Variants in SMIM13 observed in about 807,000 individuals in gnomAD.
The protein encoded by SMIM13 is UPF0766 protein C6orf228.
SMIM13 carries 3 observed loss-of-function variants against 5.9 expected under a neutral mutation model. The ratio of observed to expected loss-of-function variants is 0.51; its 90% confidence interval spans 0.23 to 1.31. SMIM13 has a LOEUF of 1.31. Ranked by LOEUF, SMIM13 falls within the 40% of genes most tolerant of loss-of-function variation. The pLI is 0.18. For synonymous variants in SMIM13, 55 were observed against 46.0 expected (o/e 1.19, Z -0.79); for missense variants, 85 against 109.9 (o/e 0.77, Z 1.01).
rs1757885899 is a variant in SMIM13 at position 11,093,942 on chromosome 6, G to T, written c.-372G>T. On this transcript the variant is annotated 5_prime_UTR_variant, in exon 1 of 2. Transcript: ENST00000416247. Reference sequence around the variant, plus strand: ...GGCCTTGTGGCCGCCGTGTGTACCCGTGCTTACCCTCTGTCCTCCCTACAG... The same window carrying T: ...GGCCTTGTGGCCGCCGTGTGTACCCTTGCTTACCCTCTGTCCTCCCTACAG... 6.6e-6 allele frequency: 1 copy of T among 152,266 alleles called. No individual in the cohort carries two copies. The highest frequency in any genetic ancestry group is 6.5e-5 in the Admixed American group (1 of 15,284). 9.4% of individuals were successfully genotyped at this position (152,266 alleles called of 1,614,324 possible).
chr6:11,124,940 A>G (rs1345761256), intron 1 of SMIM13, among the ~76,000 whole-genome samples: 1 of 152,128 alleles, frequency 6.6e-6, no homozygotes, highest in Non-Finnish European at 1.5e-5. Context: ...TTTTTGCTCG[A>G]TAAACTGTTC....
At chr6:11,116,104 G>A (rs959086845) in intron 1 of SMIM13, among the ~76,000 whole-genome samples, 1 of 128,790 alleles carries the variant, frequency 7.8e-6, no homozygotes, top group Non-Finnish European at 1.6e-5. Flanking sequence ...TGCAACCTCC[G>A]CCTCCCAGGT....
In SMIM13 at chr6:11,137,431, C is replaced by T. The variant is rs1017010656; in HGVS notation, c.*2829C>T. 2 of 151,872 alleles carry T rather than the reference C, an allele frequency of 1.3e-5. No homozygotes were observed. The highest frequency in any genetic ancestry group is 2.4e-5 in the African/African-American group (1 of 41,334). The allele number at this position is 151,872 out of a possible 1,614,324, so 9.4% of individuals were successfully genotyped here. On this transcript the variant is annotated 3_prime_UTR_variant, in exon 2 of 2. Transcript: ENST00000416247. The stretch of plus-strand genomic sequence containing the variant: ...TTAGTGCTTTTGTAGCTAAAACTTA[C>T]TGGAACTGCATCACAACTACATTTG...
chr6:11,129,904 TA>T (rs1758429371), intron 1 of SMIM13, among the ~76,000 whole-genome samples: 1 of 152,214 alleles, frequency 6.6e-6, no homozygotes, highest in African/African-American at 2.4e-5. Flanking sequence ...GGGGCTTTAA[TA>T]ATGGTTTTTT....
intron 1 of SMIM13, among the ~76,000 whole-genome samples, chr6:11,095,984 G>A (rs1198741067): frequency 1.3e-5 from 2 of 152,186 alleles, no homozygotes; most frequent in East Asian, 3.8e-4. Context: ...TAGGATATTT[G>A]CCAAATTTAC....
At chr6:11,125,935 C>A (rs535489508) in intron 1 of SMIM13, among the ~76,000 whole-genome samples, 1 of 152,340 alleles carries the variant, frequency 6.6e-6, no homozygotes, top group East Asian at 1.9e-4. Flanking sequence ...TCTCTCTCTA[C>A]CTCCTCTTTA....
intron 1 of SMIM13, among the ~76,000 whole-genome samples, chr6:11,116,458 T>C (rs1313024662): frequency 1.3e-5 from 2 of 152,244 alleles, no homozygotes; most frequent in African/African-American, 4.8e-5. Flanking sequence ...AATTTCTTTG[T>C]AAATGTTTGG....
intron 1 of SMIM13, among the ~76,000 whole-genome samples, chr6:11,129,351 A>G (rs1473022084): frequency 6.6e-6 from 1 of 152,194 alleles, no homozygotes. Flanking sequence ...GTTGCTGCCA[A>G]TGACAGGATT....
intron 1 of SMIM13, among the ~76,000 whole-genome samples, chr6:11,098,437 A>G (rs1215598885): frequency 6.6e-6 from 1 of 152,034 alleles, no homozygotes; most frequent in Non-Finnish European, 1.5e-5. Context: ...CGTTTCTTTT[A>G]TTTACTTTTT....
At chr6:11,098,694 G>C (rs1397440970) in intron 1 of SMIM13, among the ~76,000 whole-genome samples, 2 of 152,148 alleles carry the variant, frequency 1.3e-5, no homozygotes, top group Non-Finnish European at 1.5e-5. Flanking sequence ...CGGGCTCCCA[G>C]GGTGCTGGGA....
Position 11,131,623 on chromosome 6 carries a change from T to TA in SMIM13, c.77-2778dup, listed in dbSNP as rs563932339. Among the ~76,000 whole-genome samples, 5 of 152,296 alleles carry TA rather than the reference T, an allele frequency of 3.3e-5. No individual in the cohort carries two copies. The East Asian group carries it at 9.6e-4, about 29-fold the overall frequency. ...GAATTGAGAGTCCAGAAATAAACTG[T>TA]AACATTTATGGCCAATTGTTTTTTG... On this transcript the variant is annotated intron_variant, in intron 1 of 1. Coordinates refer to ENST00000416247, the MANE Select transcript of SMIM13 (RefSeq NM_001135575.2).
At chr6:11,132,759 G>A (rs1758467604) in intron 1 of SMIM13, among the ~76,000 whole-genome samples, 1 of 152,134 alleles carries the variant, frequency 6.6e-6, no homozygotes, top group South Asian at 2.1e-4. Context: ...GAGGTTGCCA[G>A]GGGCAAGTGG....
At position 11,135,489 on chromosome 6, in the gene SMIM13, A is replaced by ACTAT. The variant is rs1375406480; in HGVS notation, c.*889_*892dup. ...GTGACCGATTCATGCGTCGAGCAGG[A>ACTAT]CTATCATTAAGGCATCAAACATCGT... On this transcript the variant is annotated 3_prime_UTR_variant, in exon 2 of 2. Coordinates refer to ENST00000416247, the MANE Select transcript of SMIM13 (RefSeq NM_001135575.2). 1 of 152,628 alleles carries ACTAT rather than the reference A, an allele frequency of 6.6e-6. No individual in the cohort carries two copies. The highest frequency in any genetic ancestry group is 1.5e-5 in the Non-Finnish European group (1 of 68,036). The allele number at this position is 152,628 out of a possible 1,614,324, so 9.5% of individuals were successfully genotyped here. A position where few individuals can be genotyped will look rare whatever the true frequency, so the allele number is the denominator to read the frequency against.
At chr6:11,131,207 A>C (rs563465980) in intron 1 of SMIM13, among the ~76,000 whole-genome samples, 1 of 152,278 alleles carries the variant, frequency 6.6e-6, no homozygotes, top group East Asian at 1.9e-4. Flanking sequence ...AGGTATTTAC[A>C]AAATATAAGT....
chr6:11,127,045 C>T (rs1373412988), intron 1 of SMIM13, among the ~76,000 whole-genome samples: 5 of 152,194 alleles, frequency 3.3e-5, no homozygotes, highest in South Asian at 4.1e-4. Context: ...CATAGTCACC[C>T]CTGTGGCCAC....
chr6:11,111,515 G>A (rs72825125), intron 1 of SMIM13, among the ~76,000 whole-genome samples: 3,081 of 152,282 alleles, frequency 0.02, 47 homozygotes, highest in South Asian at 0.049. Flanking sequence ...GCCATCCTTC[G>A]GGGTGAGCAG....
intron 1 of SMIM13, among the ~76,000 whole-genome samples, chr6:11,129,091 A>C (rs936644535): frequency 2.0e-5 from 3 of 150,150 alleles, no homozygotes; most frequent in African/African-American, 7.4e-5. Flanking sequence ...GGGGGGGATG[A>C]TCACTGGAGG....
At chr6:11,127,276 T>A (rs1404776868) in intron 1 of SMIM13, among the ~76,000 whole-genome samples, 3 of 152,140 alleles carry the variant, frequency 2.0e-5, no homozygotes, top group African/African-American at 7.2e-5. Context: ...GTTGGGAAAC[T>A]TACAAATTTA....
At chr6:11,095,070 A>G (rs6938867) in intron 1 of SMIM13, among the ~76,000 whole-genome samples, 32,858 of 152,176 alleles carry the variant, frequency 0.22, 3,907 homozygotes, top group African/African-American at 0.31. Flanking sequence ...TTCTTTGTAC[A>G]TGTATAGTAG....
Sources: allele counts gnomAD v4.1 joint callset (sites outside exome capture counted in the v4.1 genomes callset), GRCh38; gene constraint gnomAD v4.1.1; transcripts MANE v1.5; gene names NCBI Gene and HGNC (gene_info 2026-07-23, HGNC 2026-07-21).